Variants in TGM3 observed in about 807,000 individuals in gnomAD.
TGM3 encodes transglutaminase 3.
A neutral mutation model predicts 73.8 loss-of-function variants in TGM3; 52 were observed. The observed-to-expected ratio is 0.70, with a 90% CI of 0.56 to 0.89. The LOEUF is 0.89. Among genes scored for constraint, TGM3 ranks in the 40% least tolerant of loss-of-function variants. The pLI is 0.00. For missense variants in TGM3, 928 were observed against 909.9 expected (o/e 1.02, Z -0.26); for synonymous variants, 372 against 354.9 (o/e 1.05, Z -0.54).
intron 1 of TGM3, among the ~76,000 whole-genome samples, chr20:2,297,674 C>T (rs214764): frequency 0.84 from 127,360 of 152,196 alleles, 56,833 homozygotes; most frequent in East Asian, 1. Context: ...GAGAGACAGG[C>T]GAATACATTC....
intron 7 of TGM3, among the ~76,000 whole-genome samples, chr20:2,325,194 G>T (rs867758264): frequency 6.6e-6 from 1 of 152,202 alleles, no homozygotes; most frequent in South Asian, 2.1e-4. Context: ...TTCCATGGGA[G>T]TGGAGAGGAG....
intron 4 of TGM3, among the ~76,000 whole-genome samples, chr20:2,312,273 G>A (rs1210137922): frequency 6.6e-6 from 1 of 151,860 alleles, no homozygotes; most frequent in Non-Finnish European, 1.5e-5. Flanking sequence ...GGTGGCACGG[G>A]CCTGTAATCC....
At chr20:2,335,330 C>CT in intron 11 of TGM3, 57 bp downstream of exon 11, 1 of 1,602,154 alleles carries the variant, frequency 6.2e-7, no homozygotes, top group Non-Finnish European at 8.5e-7. Flanking sequence ...GCCCAGCTCC[C>CT]AGGAGCCCCA....
chr20:2,335,363 T>C, intron 11 of TGM3, 90 bp downstream of exon 11: 7 of 1,519,466 alleles, frequency 4.6e-6, no homozygotes, highest in Non-Finnish European at 6.3e-6. Flanking sequence ...GCCACAGCTC[T>C]CCCAGAGGGC....
chr20:2,327,431 T>C (rs574548384), intron 8 of TGM3, among the ~76,000 whole-genome samples: 2 of 152,124 alleles, frequency 1.3e-5, no homozygotes, highest in South Asian at 2.1e-4. Flanking sequence ...GAGTCGAGAT[T>C]GCACCACTGC....
chr20:2,314,530 TAC>T (rs11473649), intron 5 of TGM3, among the ~76,000 whole-genome samples: 1,456 of 136,726 alleles, frequency 0.011, 14 homozygotes, highest in East Asian at 0.022. Context: ...CATCTACACA[TAC>T]ACACACACAC....
In TGM3 at chr20:2,318,989, A is replaced by G. The variant is rs543688573; in HGVS notation, c.983+1504A>G. Among the ~76,000 whole-genome samples, 13 of 152,320 alleles carry G rather than the reference A, an allele frequency of 8.5e-5. No individual in the cohort carries two copies. The East Asian group carries it at 1.4e-3, about 16-fold the overall frequency. Reference sequence around the variant, plus strand: ...CAGAGTCAATGGATTCTGGGGTTTTACTAGGGGAGAGAAAGCTTATTTAAG... The same window carrying G: ...CAGAGTCAATGGATTCTGGGGTTTTGCTAGGGGAGAGAAAGCTTATTTAAG... On this transcript the variant is annotated intron_variant, in intron 7 of 12. Coordinates refer to ENST00000381458, the MANE Select transcript of TGM3 (RefSeq NM_003245.4).
chr20:2,326,364 C>G (rs565656338), intron 8 of TGM3, among the ~76,000 whole-genome samples: 14 of 152,332 alleles, frequency 9.2e-5, no homozygotes, highest in Non-Finnish European at 1.3e-4. Context: ...ACACCAAGCT[C>G]CCCCTTAGGC....
At position 2,317,151 on chromosome 20, in the gene TGM3, C is replaced by T. The variant is rs776117323; in HGVS notation, c.753C>T (p.Asn251=). 27 of 1,613,924 alleles carry T rather than the reference C, an allele frequency of 1.7e-5. No homozygotes were observed. Among genetic ancestry groups the T allele is most frequent in the African/African-American group, 2.7e-5 (2 of 74,904 alleles). Residue 251 remains asparagine (N), a synonymous_variant, in exon 6 of 13, where the codon AAC becomes AAT. Transcript: ENST00000381458. ...GTGGCCGGGACCCAAGGAGCTGGAA[C>T]GGCAGCGTGGAGATCCTCAAAAATT... ...YTGGRDPRSW[N]GSVEILKNWK...
chr20:2,335,588 A>T (rs1195903012), intron 11 of TGM3, among the ~76,000 whole-genome samples: 2 of 152,206 alleles, frequency 1.3e-5, no homozygotes, highest in Non-Finnish European at 2.9e-5. Context: ...TTTTCAGCTC[A>T]TTCCCTTCTC....
intron 1 of TGM3, among the ~76,000 whole-genome samples, chr20:2,300,466 C>T (rs1340636531): frequency 6.6e-6 from 1 of 152,180 alleles, no homozygotes; most frequent in Non-Finnish European, 1.5e-5. Flanking sequence ...TTTGCCCTGA[C>T]CATAGGGTGT....
intron 12 of TGM3, 74 bp from the exon 13 acceptor site, chr20:2,340,357 CAGG>C: frequency 6.3e-7 from 1 of 1,578,042 alleles, no homozygotes; most frequent in Non-Finnish European, 8.6e-7. Context: ...CAGAACAGGA[CAGG>C]AGGTCACAGG....
chr20:2,299,711 T>C (rs781498286), intron 1 of TGM3, among the ~76,000 whole-genome samples: 2 of 152,194 alleles, frequency 1.3e-5, no homozygotes, highest in East Asian at 1.9e-4. Context: ...AGGTAATTTA[T>C]GTGAAGGAGC....
At chr20:2,301,513 A>G (rs1017969722) in intron 1 of TGM3, among the ~76,000 whole-genome samples, 5 of 147,736 alleles carry the variant, frequency 3.4e-5, no homozygotes, top group African/African-American at 1.3e-4. Context: ...AGTTTAGTGG[A>G]CTGTGACCAG....
chr20:2,339,736 C>T lies in TGM3; in HGVS notation c.1801-118C>T, dbSNP rs1798487430. On this transcript the variant is annotated intron_variant, in intron 11 of 12. Coordinates refer to ENST00000381458, the MANE Select transcript of TGM3 (RefSeq NM_003245.4). ...ACCTAGGAGGGCTAAATGGTCTCCC[C>T]TTCTTCATCCTCAGTGACATCACCC... 8 of 1,418,588 alleles carry T rather than the reference C, an allele frequency of 5.6e-6. No individual in the cohort carries two copies. In the East Asian group the frequency reaches 1.9e-4, roughly 33 times the overall value. The allele number at this position is 1,418,588 out of a possible 1,614,324, so 87.9% of individuals were successfully genotyped here.
chr20:2,324,704 C>T (rs2084277371), intron 7 of TGM3, among the ~76,000 whole-genome samples: 2 of 152,202 alleles, frequency 1.3e-5, no homozygotes, highest in Non-Finnish European at 2.9e-5. Context: ...GGCTCTGCTC[C>T]TGGTTCCTCA....
chr20:2,314,738 A>C (rs557153242), intron 5 of TGM3, among the ~76,000 whole-genome samples: 26 of 152,256 alleles, frequency 1.7e-4, no homozygotes, highest in African/African-American at 6.3e-4. Flanking sequence ...AAAGGCGAAA[A>C]GTCAAAGTGA....
intron 1 of TGM3, among the ~76,000 whole-genome samples, chr20:2,297,966 G>A (rs1036250468): frequency 1.3e-5 from 2 of 152,162 alleles, no homozygotes; most frequent in East Asian, 1.9e-4. Context: ...CAAGTGCTAC[G>A]GGGACCAACA....
chr20:2,308,018 T>C (rs1297187796), intron 1 of TGM3, among the ~76,000 whole-genome samples: 1 of 152,038 alleles, frequency 6.6e-6, no homozygotes, highest in Non-Finnish European at 1.5e-5. Context: ...GCCCAGGAGT[T>C]TGAGACAAGC....
Sources: gnomAD v4.1 joint callset for allele counts (sites outside exome capture counted in the v4.1 genomes callset) on GRCh38, gnomAD v4.1.1 for gene constraint, MANE v1.5 for transcripts, NCBI Gene and HGNC (gene_info 2026-07-23, HGNC 2026-07-21) for gene names.